The following DYSF variants were observed in gnomAD, a reference collection of about 807,000 sequenced individuals.
DYSF encodes the protein dysferlin, also known as dystrophy-associated fer-1-like 1.
In DYSF, 212 loss-of-function variants were observed where a neutral mutation model predicts 274.9. The ratio of observed to expected loss-of-function variants is 0.77; its 90% CI spans 0.69 to 0.86. The LOEUF (loss-of-function observed/expected upper bound fraction) is 0.86, where lower values mean the gene tolerates loss of function less well. Ranked by LOEUF, DYSF falls within the 40% of genes least tolerant of loss-of-function variation. The pLI, the probability that DYSF is intolerant of heterozygous loss-of-function variation, is 0.00. For missense variants in DYSF, 2,666 were observed against 2,783.2 expected (o/e 0.96, Z 0.95); for synonymous variants, 1,091 against 1,078.7 (o/e 1.01, Z -0.22).
At chr2:71,642,505 C>A (rs2094503081) in intron 41 of DYSF, among the ~76,000 whole-genome samples, 1 of 152,184 alleles carries the variant, frequency 6.6e-6, no homozygotes, top group Admixed American at 6.5e-5. Flanking sequence ...TCTAAGCTGG[C>A]TTTTTCTAGA....
chr2:71,537,223 G>GTTTTGTTTTTT lies in DYSF; in HGVS notation c.1493+1916_1493+1917insGTTTTTTTTTT, dbSNP rs1553536523. ...CAGGAAATTTTTACTTTCTAGTTTTGTTTTTTTTTTTTTTTTTTTTTTTGC... is the reference window on the plus strand; with the variant it reads ...CAGGAAATTTTTACTTTCTAGTTTTGTTTTGTTTTTTTTTTTTTTTTTTTTTTTTTTTTTGC... On this transcript the variant is annotated intron_variant, in intron 16 of 55. Transcript: ENST00000410020. Among the ~76,000 whole-genome samples, 67 of 79,622 alleles carry GTTTTGTTTTTT rather than the reference G, an allele frequency of 8.4e-4. 1 individual carries two copies. Among genetic ancestry groups the GTTTTGTTTTTT allele is most frequent in the African/African-American group, 1.1e-3 (24 of 21,414 alleles). The allele number at this position is 79,622 out of a possible 152,430, so 52.2% of individuals were successfully genotyped here.
intron 52 of DYSF, among the ~76,000 whole-genome samples, chr2:71,677,577 A>T (rs1303030895): frequency 2.6e-5 from 4 of 152,216 alleles, no homozygotes; most frequent in East Asian, 1.9e-4. Flanking sequence ...ATAAAAAAAG[A>T]TGGCTGCTTG....
intron 3 of DYSF, among the ~76,000 whole-genome samples, chr2:71,490,376 G>A (rs750570489): frequency 1.3e-5 from 2 of 152,080 alleles, no homozygotes; most frequent in Admixed American, 6.6e-5. Context: ...TTTCGCTCTC[G>A]TTGCCCAGGC....
At chr2:71,582,573 A>C (rs2092931332) in intron 30 of DYSF, among the ~76,000 whole-genome samples, 1 of 152,206 alleles carries the variant, frequency 6.6e-6, no homozygotes, top group Non-Finnish European at 1.5e-5. Context: ...GTCCCAGCAA[A>C]GCCTATAGTG....
chr2:71,652,133 A>G (rs2094675592), intron 42 of DYSF, among the ~76,000 whole-genome samples: 1 of 152,182 alleles, frequency 6.6e-6, no homozygotes, highest in African/African-American at 2.4e-5. Context: ...TCCATGGCTT[A>G]TTGACTGTAG....
At chr2:71,591,868 T>C (rs886300071) in intron 32 of DYSF, among the ~76,000 whole-genome samples, 1 of 151,972 alleles carries the variant, frequency 6.6e-6, no homozygotes, top group Non-Finnish European at 1.5e-5. Context: ...AGGTGCGGGG[T>C]GGATGAGGAA....
At position 71,684,362 on chromosome 2, in the gene DYSF, C is replaced by G. The variant is rs546194354; in HGVS notation, c.6321+1685C>G. 8.1e-4 allele frequency among the ~76,000 whole-genome samples: 123 copies of G among 152,324 alleles called. 1 individual carries two copies. Among genetic ancestry groups the G allele is most frequent in the African/African-American group, 2.7e-3 (114 of 41,574 alleles). On this transcript the variant is annotated intron_variant, in intron 55 of 55. Transcript: ENST00000410020. ...CTGGTGTCTCCTGCCCAGGGGGCAC[C>G]CTTCCCAGCCTGCCTCAAGCTCCTC...
chr2:71,559,261 C>A (rs1031590237), intron 22 of DYSF, among the ~76,000 whole-genome samples: 2 of 152,230 alleles, frequency 1.3e-5, no homozygotes, highest in Non-Finnish European at 2.9e-5. Flanking sequence ...AGACAGGTTT[C>A]ATCACCTCCC....
intron 1 of DYSF, among the ~76,000 whole-genome samples, chr2:71,479,505 A>G (rs1484072491): frequency 1.3e-5 from 2 of 152,124 alleles, no homozygotes. Flanking sequence ...CAGCCCAGTA[A>G]AGGACCAGGG....
At chr2:71,579,486 C>T (rs1000491004) in intron 30 of DYSF, among the ~76,000 whole-genome samples, 2 of 152,150 alleles carry the variant, frequency 1.3e-5, no homozygotes, top group Admixed American at 1.3e-4. Context: ...TGTACGCACG[C>T]ATGTATGATC....
intron 24 of DYSF, among the ~76,000 whole-genome samples, chr2:71,565,246 C>CTTTTTTTTTTTTTTTT (rs796705736): frequency 1.5e-5 from 2 of 131,338 alleles, no homozygotes; most frequent in African/African-American, 2.9e-5. Context: ...CCACCCAGCT[C>CTTTTTTTTTTTTTTTT]TTTTTTTTTT....
Position 71,526,340 on chromosome 2 carries a change from C to A in DYSF, c.1270C>A (p.Pro424Thr), listed in dbSNP as rs762086206. Residue 424 changes from proline to threonine, a missense_variant, in exon 13 of 56, where the codon CCG (proline) becomes ACG (threonine). Transcript: ENST00000410020. Reference protein sequence around the residue: ...CLKVFRAEDLPQMDDAVMDNV... With the variant: ...CLKVFRAEDLTQMDDAVMDNV... Reference sequence around the variant, plus strand: ...GAAGGTCTTCCGGGCCGAGGACTTGCCGCAGAGTGCGTGGGGCGCGCCCTT... The same window carrying A: ...GAAGGTCTTCCGGGCCGAGGACTTGACGCAGAGTGCGTGGGGCGCGCCCTT... 6.2e-7 allele frequency: 1 copy of A among 1,613,704 alleles called. No individual in the cohort carries two copies. Among genetic ancestry groups the A allele is most frequent in the Admixed American group, 1.7e-5 (1 of 59,994 alleles).
intron 17 of DYSF, among the ~76,000 whole-genome samples, chr2:71,547,270 C>G (rs2090551275): frequency 6.6e-6 from 1 of 152,180 alleles, no homozygotes. Flanking sequence ...CCTAAGACAC[C>G]AACAGGGCTG....
upstream of DYSF, among the ~76,000 whole-genome samples, chr2:71,464,763 G>A (rs544382314): frequency 6.6e-6 from 1 of 152,222 alleles, no homozygotes; most frequent in Non-Finnish European, 1.5e-5. Context: ...CAGGTCATGA[G>A]AATTGAATTG....
chr2:71,474,195 G>A (rs1014050528), intron 1 of DYSF, among the ~76,000 whole-genome samples: 8 of 152,150 alleles, frequency 5.3e-5, no homozygotes, highest in Non-Finnish European at 8.8e-5. Flanking sequence ...CAAAGTGCTG[G>A]GATTACAGGC....
At chr2:71,622,515 G>A (rs1160894011) in intron 41 of DYSF, among the ~76,000 whole-genome samples, 2 of 152,184 alleles carry the variant, frequency 1.3e-5, no homozygotes, top group East Asian at 1.9e-4. Context: ...TCATTCTAAT[G>A]AGACTGCCTC....
intron 13 of DYSF, among the ~76,000 whole-genome samples, chr2:71,527,712 C>G (rs2088108020): frequency 6.6e-6 from 1 of 152,220 alleles, no homozygotes; most frequent in South Asian, 2.1e-4. Flanking sequence ...CTTACCCACT[C>G]ATATGTCTGT....
intron 33 of DYSF, 78 bp downstream of exon 33, chr2:71,598,823 G>A: frequency 1.3e-6 from 2 of 1,557,094 alleles, no homozygotes; most frequent in African/African-American, 1.3e-5. Flanking sequence ...GGGACTCGTG[G>A]CTGCCCAGCC....
chr2:71,564,253 C>T (rs972048953), intron 24 of DYSF, 40 bp downstream of exon 24: 3 of 1,613,066 alleles, frequency 1.9e-6, no homozygotes, highest in African/African-American at 2.7e-5. Flanking sequence ...CGTATTTTTC[C>T]CAACATAAGG....
Sources: gnomAD v4.1 joint callset for allele counts (sites outside exome capture counted in the v4.1 genomes callset) on GRCh38, gnomAD v4.1.1 for gene constraint, MANE v1.5 for transcripts, NCBI Gene and HGNC (gene_info 2026-07-23, HGNC 2026-07-21) for gene names.